Variants in TATDN1 observed in about 807,000 individuals in gnomAD.
TATDN1 encodes the protein TatD DNase domain containing 1.
In TATDN1, 40 loss-of-function variants were observed where a neutral mutation model predicts 46.4. The observed-to-expected ratio is 0.86, with a 90% confidence interval of 0.67 to 1.12. TATDN1 has a LOEUF of 1.12. Among genes scored for constraint, TATDN1 ranks in the 50% most tolerant of loss-of-function variants. The pLI is 0.00. For missense variants in TATDN1, 326 were observed against 348.4 expected (o/e 0.94, Z 0.51); for synonymous variants, 95 against 105.6 (o/e 0.90, Z 0.62).
At chr8:124,520,562 A>G (rs1819943673) in intron 3 of TATDN1, among the ~76,000 whole-genome samples, 1 of 152,196 alleles carries the variant, frequency 6.6e-6, no homozygotes, top group African/African-American at 2.4e-5. Flanking sequence ...CTAACCAAGT[A>G]TACTTTTTAT....
chr8:124,518,543 A>C (rs1819735713), intron 4 of TATDN1, among the ~76,000 whole-genome samples: 1 of 151,088 alleles, frequency 6.6e-6, no homozygotes, highest in African/African-American at 2.4e-5. Context: ...AAAAAAACAC[A>C]CCTGAGGTTA....
At chr8:124,507,987 T>C (rs1220784036) in intron 8 of TATDN1, among the ~76,000 whole-genome samples, 1 of 152,190 alleles carries the variant, frequency 6.6e-6, no homozygotes, top group African/African-American at 2.4e-5. Flanking sequence ...AAGCTCCTAA[T>C]TCTATTGAAT....
chr8:124,528,804 C>A (rs1469991471), intron 1 of TATDN1, among the ~76,000 whole-genome samples: 1 of 152,218 alleles, frequency 6.6e-6, no homozygotes, highest in Non-Finnish European at 1.5e-5. Flanking sequence ...TCTCCCAGCA[C>A]TCCCTCAACA....
intron 1 of TATDN1, among the ~76,000 whole-genome samples, chr8:124,527,563 G>C (rs561217259): frequency 2.4e-4 from 37 of 152,218 alleles, no homozygotes; most frequent in African/African-American, 8.7e-4. Context: ...GGGGTGTACT[G>C]AGGTGTGACC....
intron 8 of TATDN1, among the ~76,000 whole-genome samples, chr8:124,506,727 C>T (rs1818468485): frequency 1.3e-5 from 2 of 152,176 alleles, no homozygotes; most frequent in African/African-American, 4.8e-5. Context: ...CATAGTGTAA[C>T]TGTGATTTAA....
intron 9 of TATDN1, among the ~76,000 whole-genome samples, chr8:124,498,970 TA>T (rs1391345179): frequency 1.5e-4 from 22 of 149,402 alleles, no homozygotes; most frequent in Middle Eastern, 3.4e-3. Context: ...TTTTTTTTTT[TA>T]ATTTAAGAGA....
At chr8:124,533,286 G>T (rs1254252394) in intron 1 of TATDN1, among the ~76,000 whole-genome samples, 1 of 151,642 alleles carries the variant, frequency 6.6e-6, no homozygotes, top group Non-Finnish European at 1.5e-5. Flanking sequence ...GCTACATTAA[G>T]GAGGTTACAG....
intron 6 of TATDN1, among the ~76,000 whole-genome samples, chr8:124,510,677 AG>A (rs1438310618): frequency 1.3e-5 from 2 of 152,060 alleles, no homozygotes; most frequent in Admixed American, 1.3e-4. Flanking sequence ...TACAAGAATT[AG>A]CCAGGTGTGG....
At chr8:124,531,953 G>C (rs995741512) in intron 1 of TATDN1, among the ~76,000 whole-genome samples, 3 of 152,180 alleles carry the variant, frequency 2.0e-5, no homozygotes, top group Admixed American at 2.0e-4. Context: ...CTGTAATTTT[G>C]TCTGGGGATT....
chr8:124,533,679 G>A (rs1236208961), intron 1 of TATDN1, among the ~76,000 whole-genome samples: 2 of 152,106 alleles, frequency 1.3e-5, no homozygotes, highest in Non-Finnish European at 2.9e-5. Context: ...TAAGGAAGGA[G>A]ACCAGGACCA....
rs113856006 is a variant in TATDN1 at position 124,501,411 on chromosome 8, C to CT, written c.593+2859dup. On this transcript the variant is annotated intron_variant, in intron 9 of 11. Transcript: ENST00000276692. ...TGCCTTCTAGAGAGCTTCCAAATGG[C>CT]TTTTTTTTTTCTTTTTTTAAATAGA... Among the ~76,000 whole-genome samples, 728 of 149,012 alleles carry CT rather than the reference C, an allele frequency of 4.9e-3. 6 individuals are homozygous for CT. The highest frequency in any genetic ancestry group is 0.016 in the African/African-American group (641 of 40,564).
chr8:124,532,550 C>A (rs1187405394), intron 1 of TATDN1, among the ~76,000 whole-genome samples: 1 of 152,214 alleles, frequency 6.6e-6, no homozygotes, highest in Non-Finnish European at 1.5e-5. Context: ...TCCCAAAGTG[C>A]TAGGATTACA....
chr8:124,530,200 A>AATATCT lies in TATDN1; in HGVS notation c.23-7204_23-7199dup, dbSNP rs562035821. Among the ~76,000 whole-genome samples the AATATCT allele has an allele frequency of 2.3e-3, 343 of 152,330 alleles. 1 individual carries two copies. Among genetic ancestry groups the AATATCT allele is most frequent in the African/African-American group, 7.9e-3 (328 of 41,576 alleles). On this transcript the variant is annotated intron_variant, in intron 1 of 11. Transcript: ENST00000276692. ...AGGACACATCAAAACAAGGGGTGAC[A>AATATCT]ATATCTGGGCTTTGAAGGAATTGGA...
At chr8:124,536,031 A>G (rs1021734767) in intron 1 of TATDN1, among the ~76,000 whole-genome samples, 4 of 152,244 alleles carry the variant, frequency 2.6e-5, no homozygotes, top group African/African-American at 9.6e-5. Flanking sequence ...TATATCAGGA[A>G]TGGAATATGA....
chr8:124,490,188 A>C (rs560442499), intron 11 of TATDN1: 1 of 152,350 alleles, frequency 6.6e-6, no homozygotes, highest in African/African-American at 2.4e-5. Flanking sequence ...ATTATATTGC[A>C]TAGCAAATTC....
intron 11 of TATDN1, among the ~76,000 whole-genome samples, chr8:124,490,746 A>G (rs1351930492): frequency 7.4e-6 from 1 of 135,054 alleles, no homozygotes; most frequent in Non-Finnish European, 1.6e-5. Context: ...CAGTAAGCAC[A>G]GGTTTTTGTT....
intron 1 of TATDN1, among the ~76,000 whole-genome samples, chr8:124,535,166 G>T (rs1821321256): frequency 1.3e-5 from 2 of 152,100 alleles, no homozygotes; most frequent in African/African-American, 4.8e-5. Context: ...GGCTATCCAG[G>T]AGCCCCCAGC....
intron 4 of TATDN1, chr8:124,518,612 G>T: frequency 4.3e-6 from 2 of 469,728 alleles, no homozygotes; most frequent in South Asian, 3.1e-5. Flanking sequence ...AATCTTCATT[G>T]AGCAGTATGA....
chr8:124,491,643 T>A (rs1817001308), intron 11 of TATDN1: 1 of 152,232 alleles, frequency 6.6e-6, no homozygotes, highest in African/African-American at 2.4e-5. Context: ...ATCTGGTGGA[T>A]GGATAAAGAC....
Sources: allele counts gnomAD v4.1 joint callset (sites outside exome capture counted in the v4.1 genomes callset), GRCh38; gene constraint gnomAD v4.1.1; transcripts MANE v1.5; gene names NCBI Gene and HGNC (gene_info 2026-07-23, HGNC 2026-07-21).